The following PLAGL1 variants were observed in gnomAD, a reference collection of about 807,000 sequenced individuals.
PLAGL1 encodes the protein zinc finger protein PLAGL1.
Under a neutral mutation model 4.6 loss-of-function variants are expected in PLAGL1, and 1 was observed. The ratio of observed to expected loss-of-function variants is 0.22; its 90% CI spans 0.08 to 1.03. The LOEUF is 1.03. PLAGL1 is among the 50% of genes least tolerant of loss of function. PLAGL1 has a pLI of 0.58. For synonymous variants in PLAGL1, 240 were observed against 237.8 expected, an observed-to-expected ratio of 1.01 and a Z score of -0.08; for missense variants, 464 against 570.4, an observed-to-expected ratio of 0.81 and a Z score of 1.90.
intron 1 of PLAGL1, among the ~76,000 whole-genome samples, chr6:144,023,063 T>A (rs1796084778): frequency 2.0e-5 from 3 of 152,344 alleles, no homozygotes; most frequent in African/African-American, 7.2e-5. Flanking sequence ...TCTAAAGGAA[T>A]GAGCTATTAA....
At chr6:144,045,112 T>A (rs1228584164) in intron 1 of PLAGL1, among the ~76,000 whole-genome samples, 1 of 148,486 alleles carries the variant, frequency 6.7e-6, no homozygotes, top group African/African-American at 2.5e-5. Context: ...AATACAGCAC[T>A]CTGATGGGTC....
Position 143,978,537 on chromosome 6 carries a change from G to A in PLAGL1, c.-544+6598C>T, listed in dbSNP as rs983926372. 2.0e-5 allele frequency among the ~76,000 whole-genome samples: 3 copies of A among 151,974 alleles called. No individual in the cohort carries two copies. The highest frequency in any genetic ancestry group is 4.4e-5 in the Non-Finnish European group (3 of 67,988). On this transcript the variant is annotated intron_variant, in intron 2 of 7. Coordinates refer to ENST00000674357, the MANE Select transcript of PLAGL1 (RefSeq NM_001317162.2). This position sits in a 1 kb window ranked among gnomAD's most constrained non-coding sequence, Gnocchi z 4.6. Reference sequence around the variant, plus strand: ...TGTAGTCTCAGAAAGTATTTTGTATGGTTTCTATTCTTTTAAATTTGTTAA... The same window carrying A: ...TGTAGTCTCAGAAAGTATTTTGTATAGTTTCTATTCTTTTAAATTTGTTAA...
At position 143,988,879 on chromosome 6, in the gene PLAGL1, A is replaced by C. The variant is rs559402144; in HGVS notation, c.-583-3705T>G. On this transcript the variant is annotated intron_variant, in intron 1 of 7. Coordinates refer to ENST00000674357, the MANE Select transcript of PLAGL1 (RefSeq NM_001317162.2). ...GGCCCAATTTCTTCCCTAAGGCCCC[A>C]CCTTCAAATACCATTTCATTAGGAT... Among the ~76,000 whole-genome samples the C allele has an allele frequency of 8.5e-5, 13 of 152,252 alleles. No individual in the cohort carries two copies. The South Asian group carries it at 2.5e-3, about 29-fold the overall frequency.
intron 1 of PLAGL1, among the ~76,000 whole-genome samples, chr6:143,992,203 G>A (rs540867806): frequency 9.8e-5 from 15 of 152,286 alleles, no homozygotes; most frequent in African/African-American, 3.1e-4. Flanking sequence ...ATTAGTTCTA[G>A]ACTTTAATAA....
At position 143,941,859 on chromosome 6, in the gene PLAGL1, T is replaced by C; in HGVS notation, c.957A>G (p.Lys319=). The C allele has an allele frequency of 6.2e-7, 1 of 1,614,130 alleles. No homozygotes were observed. Among genetic ancestry groups the C allele is most frequent in the Non-Finnish European group, 8.5e-7 (1 of 1,179,998 alleles). ...TATTGCAAAAACCTTTAGTATCTGC[T>C]TTGAGGGGCAGGCTTGCAAGTGGGG... ...SYSPLASLPL[K]ADTKGFCNIS... The change falls in exon 8 of 8, where the codon AAA becomes AAG. Residue 319 remains lysine, a synonymous_variant. Transcript: ENST00000674357. The surrounding 1 kb of genome is among the most constrained non-coding windows in gnomAD (Gnocchi z 6.0).
intron 1 of PLAGL1, among the ~76,000 whole-genome samples, chr6:144,019,630 A>T (rs1795825014): frequency 1.3e-5 from 2 of 152,146 alleles, no homozygotes; most frequent in Admixed American, 1.3e-4. Flanking sequence ...ACAAATGCTG[A>T]TGTAGTTAAA....
rs147747498 is a variant in PLAGL1, at chr6:144,052,769, A to T, written c.-151+11699T>A. ...ATGTGGGGGAGGGGGTTGTGGAGGG[A>T]CTGATTTTCTGTATTTTTCCTTTTC... is the stretch of plus-strand genomic sequence containing the variant. On this transcript the variant is annotated intron_variant, in intron 1 of 3. Transcript: ENST00000437412. Among the ~76,000 whole-genome samples, 162 of 152,230 alleles carry T rather than the reference A, an allele frequency of 1.1e-3. 1 individual carries two copies. In the East Asian group the frequency reaches 0.023, roughly 21 times the overall value.
At position 144,061,364 on chromosome 6, in the gene PLAGL1, C is replaced by T. The variant is rs1446639007; in HGVS notation, c.-151+3104G>A. ...AGGACAGTCTATCTGTGCAACCTAC[C>T]AAGTTCCACCAGGATCAAACAAAGT... On this transcript the variant is annotated intron_variant, in intron 1 of 3. Coordinates refer to the PLAGL1 transcript ENST00000437412. The surrounding 1 kb of genome is among the most constrained non-coding windows in gnomAD (Gnocchi z 4.4). 6.6e-6 allele frequency among the ~76,000 whole-genome samples: 1 copy of T among 152,222 alleles called. No homozygotes were observed. The highest frequency in any genetic ancestry group is 2.4e-5 in the African/African-American group (1 of 41,444).
At chr6:144,023,621 T>C (rs1269398320) in intron 1 of PLAGL1, among the ~76,000 whole-genome samples, 1 of 152,044 alleles carries the variant, frequency 6.6e-6, no homozygotes, top group Non-Finnish European at 1.5e-5. Flanking sequence ...CCATGCACAA[T>C]GGGAATGGCC....
intron 1 of PLAGL1, among the ~76,000 whole-genome samples, chr6:144,029,324 TATG>T (rs1796619874): frequency 6.6e-6 from 1 of 152,224 alleles, no homozygotes; most frequent in African/African-American, 2.4e-5. Flanking sequence ...AGATTCTCTG[TATG>T]ATAAGACATA....
At chr6:144,060,181 G>A (rs553120247) in intron 1 of PLAGL1, among the ~76,000 whole-genome samples, 54 of 152,130 alleles carry the variant, frequency 3.5e-4, no homozygotes, top group African/African-American at 1.2e-3. Flanking sequence ...TCAAGTAGCT[G>A]GGACTACAGG....
chr6:144,061,455 A>G lies in PLAGL1; in HGVS notation c.-151+3013T>C, dbSNP rs1799391926. 6.6e-6 allele frequency among the ~76,000 whole-genome samples: 1 copy of G among 152,320 alleles called. No homozygotes were observed. Among genetic ancestry groups the G allele is most frequent in the South Asian group, 2.1e-4 (1 of 4,830 alleles). On this transcript the variant is annotated intron_variant, in intron 1 of 3. Coordinates refer to the PLAGL1 transcript ENST00000437412. This position sits in a 1 kb window ranked among gnomAD's most constrained non-coding sequence, Gnocchi z 4.4. Reference sequence around the variant, plus strand: ...TTTCACAGCCAGGTGCCTCTGAAACATCGTAGCTGTTAATCCTCATAAGTC... The same window carrying G: ...TTTCACAGCCAGGTGCCTCTGAAACGTCGTAGCTGTTAATCCTCATAAGTC...
chr6:144,036,932 G>A lies in PLAGL1; in HGVS notation c.-151+27536C>T, dbSNP rs985267083. 1.6e-5 allele frequency: 3 copies of A among 190,828 alleles called. No homozygotes were observed. Among genetic ancestry groups the A allele is most frequent in the Admixed American group, 6.2e-5 (1 of 16,256 alleles). 11.8% of individuals were successfully genotyped at this position (190,828 alleles called of 1,614,324 possible). Reference sequence around the variant, plus strand: ...TTGCTGTGATGAATTATATGCCCTGGAGAGAGGCAGAAAGTGATTACACCA... The same window carrying A: ...TTGCTGTGATGAATTATATGCCCTGAAGAGAGGCAGAAAGTGATTACACCA... On this transcript the variant is annotated intron_variant, in intron 1 of 3. Transcript: ENST00000437412. The surrounding 1 kb of genome is among the most constrained non-coding windows in gnomAD (Gnocchi z 5.1).
Position 143,942,348 on chromosome 6 carries a change from G to A in PLAGL1, c.468C>T (p.His156=). The stretch of plus-strand genomic sequence containing the variant: ...AGCATCTTTCACAGTGGTCGCACTG[G>A]TGCTTCTTTTCCTTGGTTCCGCTAG... ...KPPSGTKEKK[H]QCDHCERCFY... The change falls in exon 8 of 8, where the codon CAC becomes CAT. Residue 156 remains histidine, a synonymous_variant. Coordinates refer to ENST00000674357, the MANE Select transcript of PLAGL1 (RefSeq NM_001317162.2). This position sits in a 1 kb window ranked among gnomAD's most constrained non-coding sequence, Gnocchi z 7.6. The A allele has an allele frequency of 1.2e-6, 2 of 1,614,094 alleles. No individual in the cohort carries two copies. Among genetic ancestry groups the A allele is most frequent in the Non-Finnish European group, 1.7e-6 (2 of 1,179,990 alleles).
intron 1 of PLAGL1, among the ~76,000 whole-genome samples, chr6:143,993,316 CAA>C (rs1346048075): frequency 7.9e-6 from 1 of 126,400 alleles, no homozygotes; most frequent in African/African-American, 3.0e-5. Context: ...AACAAAAAAA[CAA>C]AAAACAAAAC....
At position 143,953,790 on chromosome 6, in the gene PLAGL1, C is replaced by T. The variant is rs531681635; in HGVS notation, c.-324-5330G>A. 6.6e-6 allele frequency among the ~76,000 whole-genome samples: 1 copy of T among 152,204 alleles called. No individual in the cohort carries two copies. Among genetic ancestry groups the T allele is most frequent in the Non-Finnish European group, 1.5e-5 (1 of 68,042 alleles). ...CAGCATTAAGAGGCAACAAAACAAC[C>T]TGCTATACCCTGAAGCATCTACCAT... On this transcript the variant is annotated intron_variant, in intron 6 of 7. Transcript: ENST00000674357. The surrounding 1 kb of genome is among the most constrained non-coding windows in gnomAD (Gnocchi z 5.3).
At position 144,000,004 on chromosome 6, in the gene PLAGL1, A is replaced by G. The variant is rs1224937003; in HGVS notation, c.-584+8086T>C. Among the ~76,000 whole-genome samples the G allele has an allele frequency of 1.3e-5, 2 of 152,198 alleles. No individual in the cohort carries two copies. Among genetic ancestry groups the G allele is most frequent in the Non-Finnish European group, 2.9e-5 (2 of 68,006 alleles). ...AAGTAACTGCCCAAGATTATACTAC[A>G]TGGCAGCAGAGGAGCAGAACTAGGA... On this transcript the variant is annotated intron_variant, in intron 1 of 7. Transcript: ENST00000674357. This position sits in a 1 kb window ranked among gnomAD's most constrained non-coding sequence, Gnocchi z 4.1.
rs1355553026 is a variant in PLAGL1 at position 143,959,224 on chromosome 6, T to C, written c.-325+1245A>G. 6.6e-6 allele frequency among the ~76,000 whole-genome samples: 1 copy of C among 152,186 alleles called. No individual in the cohort carries two copies. Among genetic ancestry groups the C allele is most frequent in the Non-Finnish European group, 1.5e-5 (1 of 68,030 alleles). ...TCCTCCCCTGCTTGCCTTGCAATCA[T>C]ACTGTCCACCCTGCTTTGGCTGGCC... On this transcript the variant is annotated intron_variant, in intron 6 of 7. Transcript: ENST00000674357. This position sits in a 1 kb window ranked among gnomAD's most constrained non-coding sequence, Gnocchi z 5.3.
intron 1 of PLAGL1, chr6:144,007,703 A>G (rs980182181): frequency 1.3e-5 from 2 of 152,208 alleles, no homozygotes; most frequent in Non-Finnish European, 2.9e-5. Flanking sequence ...ACGAAAGTGC[A>G]AACAGTTACT....
Sources: allele counts gnomAD v4.1 joint callset (sites outside exome capture counted in the v4.1 genomes callset), GRCh38; gene constraint gnomAD v4.1.1; non-coding constraint Gnocchi (gnomAD v3.1); transcripts MANE v1.5; gene names NCBI Gene and HGNC (gene_info 2026-07-23, HGNC 2026-07-21).